The following RBFOX1 variants were observed in gnomAD, a reference collection of about 807,000 sequenced individuals.
RBFOX1 encodes RNA binding fox-1 homolog 1, also known as RNA binding protein fox-1 homolog 1.
In RBFOX1, 8 loss-of-function variants were observed where a neutral mutation model predicts 57.7. The observed-to-expected ratio is 0.14, with a 90% CI of 0.08 to 0.25. RBFOX1 has a LOEUF of 0.25. Ranked by LOEUF, RBFOX1 falls within the 10% of genes least tolerant of loss-of-function variation. The pLI, the probability that RBFOX1 is intolerant of heterozygous loss-of-function variation, is 1.00. For synonymous variants in RBFOX1, 326 were observed against 222.4 expected, an observed-to-expected ratio of 1.47 and a Z score of -4.15; for missense variants, 611 against 548.5, an observed-to-expected ratio of 1.11 and a Z score of -1.14.
chr16:7,516,571 C>G (rs1016254330), intron 4 of RBFOX1, among the ~76,000 whole-genome samples: 1 of 152,144 alleles, frequency 6.6e-6, no homozygotes, highest in African/African-American at 2.4e-5. Flanking sequence ...AACTCAGCCT[C>G]AACATAGGCA....
chr16:6,399,603 T>C (rs1049557708), intron 2 of RBFOX1, among the ~76,000 whole-genome samples: 2 of 152,218 alleles, frequency 1.3e-5, no homozygotes, highest in Admixed American at 6.5e-5. Flanking sequence ...TTCTGTCTTC[T>C]TGTGAGCCCT....
intron 4 of RBFOX1, among the ~76,000 whole-genome samples, chr16:7,284,991 T>G (rs551664507): frequency 6.6e-4 from 99 of 151,110 alleles, no homozygotes; most frequent in African/African-American, 2.1e-3. Context: ...ATCCCTCCGT[T>G]GCCCAATGGA....
chr16:6,727,031 C>A (rs945234060), intron 3 of RBFOX1, among the ~76,000 whole-genome samples: 33 of 90,610 alleles, frequency 3.6e-4, no homozygotes, highest in African/African-American at 1.3e-3. Flanking sequence ...CGCCTCATGA[C>A]CTTCAGGTAT....
rs540762681 is a variant in RBFOX1 at position 6,196,290 on chromosome 16, G to T, written c.-126-120705G>T. 4.6e-5 allele frequency among the ~76,000 whole-genome samples: 7 copies of T among 152,288 alleles called. No homozygotes were observed. The South Asian group carries it at 1.0e-3, about 23-fold the overall frequency. On this transcript the variant is annotated intron_variant, in intron 1 of 15. Coordinates refer to ENST00000550418, the MANE Select transcript of RBFOX1 (RefSeq NM_018723.4). ...TTACCCCTGCACCAGAGGAAGTTGT[G>T]TGCAGGTCTCTGCATCTGTCAAGTT...
chr16:5,795,461 C>A (rs751670533), intron 3 of RBFOX1, among the ~76,000 whole-genome samples: 4 of 152,036 alleles, frequency 2.6e-5, no homozygotes, highest in Non-Finnish European at 5.9e-5. Context: ...TACCACCGTG[C>A]GTGGCTAAAT....
chr16:7,451,220 C>T (rs1262780543), intron 4 of RBFOX1, among the ~76,000 whole-genome samples: 1 of 152,174 alleles, frequency 6.6e-6, no homozygotes, highest in East Asian at 1.9e-4. Flanking sequence ...TGGATGGGAC[C>T]TGATATAATC....
At chr16:6,832,963 A>T (rs1417351566) in intron 3 of RBFOX1, among the ~76,000 whole-genome samples, 1 of 152,150 alleles carries the variant, frequency 6.6e-6, no homozygotes, top group Non-Finnish European at 1.5e-5. Context: ...ACAGTCACAC[A>T]AATTGATATG....
intron 1 of RBFOX1, among the ~76,000 whole-genome samples, chr16:6,216,347 GCTGTATTCCCT>G (rs1402971934): frequency 6.6e-6 from 1 of 152,080 alleles, no homozygotes; most frequent in Non-Finnish European, 1.5e-5. Context: ...CTTTTATTAG[GCTGTATTCCCT>G]CTGGGTCCTC....
intron 2 of RBFOX1, among the ~76,000 whole-genome samples, chr16:6,515,934 A>T (rs1026705003): frequency 6.6e-6 from 1 of 152,012 alleles, no homozygotes; most frequent in African/African-American, 2.4e-5. Context: ...AGTCTGTGAA[A>T]CCTGTATTTT....
chr16:5,583,101 G>A (rs1006427082), intron 2 of RBFOX1, among the ~76,000 whole-genome samples: 1 of 152,146 alleles, frequency 6.6e-6, no homozygotes, highest in African/African-American at 2.4e-5. Flanking sequence ...TTTGAACCCT[G>A]GCAGTTTGGC....
intron 2 of RBFOX1, among the ~76,000 whole-genome samples, chr16:5,566,441 T>C (rs1184026326): frequency 6.6e-6 from 1 of 152,168 alleles, no homozygotes; most frequent in African/African-American, 2.4e-5. Flanking sequence ...AAAGAGACTT[T>C]GGAAGTGGAG....
At chr16:6,866,541 ATTTTTT>A (rs56678526) in intron 3 of RBFOX1, among the ~76,000 whole-genome samples, 6 of 78,886 alleles carry the variant, frequency 7.6e-5, no homozygotes, top group Non-Finnish European at 1.3e-4. Context: ...CTTTCCTTCT[ATTTTTT>A]TTTTTTTTTT....
At chr16:6,618,026 T>C (rs902868752) in intron 2 of RBFOX1, among the ~76,000 whole-genome samples, 1 of 152,162 alleles carries the variant, frequency 6.6e-6, no homozygotes, top group Middle Eastern at 3.2e-3. Context: ...TACCTCCTCA[T>C]ATGCATGCAA....
At chr16:7,504,782 TATA>T (rs1312514779) in intron 4 of RBFOX1, among the ~76,000 whole-genome samples, 3 of 22,994 alleles carry the variant, frequency 1.3e-4, no homozygotes, top group Admixed American at 6.0e-4. Context: ...TATATATATA[TATA>T]TTTATATATA....
rs2058398612 is a variant in RBFOX1, at chr16:6,858,973, A to T, written c.-15-193084A>T. On this transcript the variant is annotated intron_variant, in intron 3 of 15. Transcript: ENST00000550418. ...GTCAATCAAAGGTAGGTAAAAACAC[A>T]TGTACACATTTTAGCTTAGCTGACC... 1.3e-5 allele frequency among the ~76,000 whole-genome samples: 2 copies of T among 151,482 alleles called. 1 individual carries two copies. The highest frequency in any genetic ancestry group is 4.2e-4 in the South Asian group (2 of 4,810).
At chr16:7,190,566 A>C (rs1281786542) in intron 4 of RBFOX1, among the ~76,000 whole-genome samples, 1 of 151,944 alleles carries the variant, frequency 6.6e-6, no homozygotes, top group African/African-American at 2.4e-5. Flanking sequence ...TTAGAAGGGA[A>C]AGTAGAGGAG....
At chr16:6,078,184 T>C (rs78087424) in intron 1 of RBFOX1, among the ~76,000 whole-genome samples, 2,138 of 152,294 alleles carry the variant, frequency 0.014, 50 homozygotes, top group Admixed American at 0.042. Context: ...AAATGCTTTG[T>C]ACATAACAAA....
rs539442810 is a variant in RBFOX1, at chr16:7,147,407, G to A, written c.27+95309G>A. ...TGTTCCTGAAGTTTGGTAGACAAAT[G>A]ATCCTGTCACCCAGGTGGTGGGCGT... is the stretch of plus-strand genomic sequence containing the variant. On this transcript the variant is annotated intron_variant, in intron 4 of 15. Transcript: ENST00000550418. Among the ~76,000 whole-genome samples, 25 of 151,354 alleles carry A rather than the reference G, an allele frequency of 1.7e-4. No homozygotes were observed. In the South Asian group the frequency reaches 5.0e-3, roughly 30 times the overall value.
At chr16:5,820,448 G>C (rs1550137) in intron 3 of RBFOX1, among the ~76,000 whole-genome samples, 107,791 of 152,002 alleles carry the variant, frequency 0.71, 38,445 homozygotes, top group African/African-American at 0.78. Flanking sequence ...GGACCGTGCC[G>C]GGATTGATCA....
Sources: gnomAD v4.1 joint callset for allele counts (sites outside exome capture counted in the v4.1 genomes callset) on GRCh38, gnomAD v4.1.1 for gene constraint, MANE v1.5 for transcripts, NCBI Gene and HGNC (gene_info 2026-07-23, HGNC 2026-07-21) for gene names.